IFI27L1: variants seen among roughly 807,000 people sequenced by gnomAD.
IFI27L1 encodes interferon alpha-inducible protein 27-like protein 1.
In IFI27L1, 3 loss-of-function variants were observed where a neutral mutation model predicts 9.2. That is an observed-to-expected ratio of 0.32 (90% confidence interval 0.15 to 0.84). IFI27L1 has a LOEUF of 0.84. IFI27L1 is among the 40% of genes least tolerant of loss of function. The pLI, the probability that IFI27L1 is intolerant of heterozygous loss-of-function variation, is 0.56. For missense variants in IFI27L1, 133 were observed against 134.2 expected, an observed-to-expected ratio of 0.99 and a Z score of 0.05; for synonymous variants, 53 against 50.0, an observed-to-expected ratio of 1.06 and a Z score of -0.26.
chr14:94,096,695 G>GA (rs11324210), intron 1 of IFI27L1, 192 bp from the exon 2 acceptor site: 34,082 of 287,390 alleles, frequency 0.12, 738 homozygotes, highest in Non-Finnish European at 0.14. Flanking sequence ...CTCTGTCTCA[G>GA]AAAAAAAAAA....
chr14:94,081,450 G>C lies in IFI27L1; in HGVS notation c.-52+1G>C, dbSNP rs1031829578. On this transcript the variant is annotated splice_donor_variant, in intron 1 of 4. Coordinates refer to ENST00000555523, the MANE Select transcript of IFI27L1 (RefSeq NM_206949.3). LOFTEE classifies it low-confidence loss of function (5UTR_SPLICE). ...ACTTTGTCAGCTCCCGCACAGTAAC[G>C]TAAGTTTTCTTGTATTCTTAGTGTA... The C allele has an allele frequency of 1.3e-5, 2 of 152,264 alleles. No homozygotes were observed. Among genetic ancestry groups the C allele is most frequent in the African/African-American group, 4.8e-5 (2 of 41,460 alleles). The allele number at this position is 152,264 out of a possible 1,614,324, so 9.4% of individuals were successfully genotyped here. A position where few individuals can be genotyped will look rare whatever the true frequency, so the allele number is the denominator to read the frequency against.
rs1212809198 is a variant in IFI27L1 at position 94,096,865 on chromosome 14, A to G, written c.-51-22A>G. 2.1e-6 allele frequency: 3 copies of G among 1,403,570 alleles called. No individual in the cohort carries two copies. The East Asian group carries it at 6.9e-5, about 32-fold the overall frequency. 86.9% of individuals were successfully genotyped at this position (1,403,570 alleles called of 1,614,324 possible). On this transcript the variant is annotated intron_variant, in intron 1 of 4. Transcript: ENST00000555523. ...GCTTTATTCAAACCAGATCCTGAAT[A>G]AAGTCAAAACTCAACCAACAGGTGG...
rs1016583840 is a variant in IFI27L1 at position 94,086,506 on chromosome 14, A to G, written c.-52+5057A>G. Among the ~76,000 whole-genome samples, 3 of 152,212 alleles carry G rather than the reference A, an allele frequency of 2.0e-5. 1 individual carries two copies. Among genetic ancestry groups the G allele is most frequent in the East Asian group, 1.9e-4 (1 of 5,200 alleles). On this transcript the variant is annotated intron_variant, in intron 1 of 4. Coordinates refer to ENST00000555523, the MANE Select transcript of IFI27L1 (RefSeq NM_206949.3). ...CCCCATTGCCAATAAATATTAATCT[A>G]TAACCAGGGACGGATCCATTCTATT...
At chr14:94,086,645 G>A (rs1376035095) in intron 1 of IFI27L1, among the ~76,000 whole-genome samples, 1 of 152,194 alleles carries the variant, frequency 6.6e-6, no homozygotes, top group Non-Finnish European at 1.5e-5. Flanking sequence ...GTATGGCAGA[G>A]GGAAGCCAGA....
intron 3 of IFI27L1, chr14:94,101,173 A>G (rs1886881138): frequency 5.4e-6 from 2 of 368,216 alleles, no homozygotes; most frequent in South Asian, 9.4e-5. Flanking sequence ...CCATCCACTG[A>G]GTCAGAAGCT....
At chr14:94,085,550 C>T (rs190652518) in intron 1 of IFI27L1, among the ~76,000 whole-genome samples, 7 of 152,012 alleles carry the variant, frequency 4.6e-5, no homozygotes, top group South Asian at 2.1e-4. Context: ...CACATTTCGG[C>T]GAAACATCCC....
chr14:94,083,043 C>A (rs1886164220), intron 1 of IFI27L1, among the ~76,000 whole-genome samples: 1 of 152,220 alleles, frequency 6.6e-6, no homozygotes, highest in Non-Finnish European at 1.5e-5. Context: ...TTTTAGATAT[C>A]ATTAAGAACA....
intron 1 of IFI27L1, among the ~76,000 whole-genome samples, chr14:94,084,627 T>G (rs1181950141): frequency 6.6e-6 from 1 of 152,160 alleles, no homozygotes; most frequent in East Asian, 1.9e-4. Context: ...ATTTGTGCAG[T>G]GGGAAGCATA....
At chr14:94,095,468 A>G (rs574751779) in intron 1 of IFI27L1, among the ~76,000 whole-genome samples, 6 of 152,310 alleles carry the variant, frequency 3.9e-5, no homozygotes, top group Admixed American at 6.5e-5. Flanking sequence ...TTACATTTCT[A>G]TCAAGGAATA....
At chr14:94,083,607 GA>G (rs1384973947) in intron 1 of IFI27L1, among the ~76,000 whole-genome samples, 1 of 152,186 alleles carries the variant, frequency 6.6e-6, no homozygotes, top group African/African-American at 2.4e-5. Flanking sequence ...GCTGGTTTCA[GA>G]AAAAAAGAAA....
At chr14:94,100,376 C>T (rs1886846980) in intron 2 of IFI27L1, 2 of 985,276 alleles carry the variant, frequency 2.0e-6, no homozygotes, top group African/African-American at 3.5e-5. Context: ...TGCCTAAGCA[C>T]CCCAGTCCCT....
intron 2 of IFI27L1, chr14:94,100,491 C>T (rs1886852600): frequency 2.0e-6 from 2 of 985,200 alleles, no homozygotes; most frequent in African/African-American, 1.7e-5. Flanking sequence ...GGCCCAGCCA[C>T]AAGGCTGGGC....
chr14:94,082,965 C>T (rs1189614688), intron 1 of IFI27L1, among the ~76,000 whole-genome samples: 1 of 152,208 alleles, frequency 6.6e-6, no homozygotes, highest in African/African-American at 2.4e-5. Flanking sequence ...CTATGGCTGC[C>T]ATAGAGAGTT....
chr14:94,094,257 C>G (rs969075915), intron 1 of IFI27L1, among the ~76,000 whole-genome samples: 2 of 152,164 alleles, frequency 1.3e-5, no homozygotes, highest in Admixed American at 1.3e-4. Context: ...CTGCCTCGCA[C>G]TCTTTGCTGA....
At chr14:94,088,019 T>C (rs1257480376) in intron 1 of IFI27L1, among the ~76,000 whole-genome samples, 2 of 152,172 alleles carry the variant, frequency 1.3e-5, no homozygotes, top group Non-Finnish European at 2.9e-5. Flanking sequence ...TGAGGCAGAT[T>C]ATAAGGATGT....
intron 1 of IFI27L1, among the ~76,000 whole-genome samples, chr14:94,095,518 G>A (rs1446577747): frequency 6.6e-6 from 1 of 152,130 alleles, no homozygotes; most frequent in African/African-American, 2.4e-5. Flanking sequence ...AGGTTTATTT[G>A]GCATGGTTCT....
At position 94,102,520 on chromosome 14, in the gene IFI27L1, T is replaced by C. The variant is rs761949644; in HGVS notation, c.267T>C (p.Phe89=). 6.3e-7 allele frequency: 1 copy of C among 1,594,056 alleles called. No homozygotes were observed. The highest frequency in any genetic ancestry group is 1.1e-5 in the South Asian group (1 of 88,266). ...TGACATCTAAAGTTATCGGGGGCTT[T>C]GCTGGGACAGCTCTTGGGGCCTGGC... ...LSVTSKVIGG[F]AGTALGAWLG... The change falls in exon 5 of 5, where the codon TTT becomes TTC. Residue 89 remains phenylalanine (F), a synonymous_variant. Coordinates refer to ENST00000555523, the MANE Select transcript of IFI27L1 (RefSeq NM_206949.3).
chr14:94,098,541 G>A (rs544896280), intron 2 of IFI27L1, among the ~76,000 whole-genome samples: 6 of 152,260 alleles, frequency 3.9e-5, no homozygotes, highest in African/African-American at 1.2e-4. Flanking sequence ...GTTAGGACTC[G>A]AACATATCTT....
intron 1 of IFI27L1, among the ~76,000 whole-genome samples, chr14:94,092,167 A>G (rs1166989978): frequency 1.3e-5 from 2 of 151,790 alleles, no homozygotes; most frequent in East Asian, 3.9e-4. Flanking sequence ...CTTAAGAGAG[A>G]AAGCCAGATT....
Sources: allele counts gnomAD v4.1 joint callset (sites outside exome capture counted in the v4.1 genomes callset), GRCh38; gene constraint gnomAD v4.1.1; transcripts MANE v1.5; gene names NCBI Gene and HGNC (gene_info 2026-07-23, HGNC 2026-07-21).